PATJ: variants seen among roughly 807,000 people sequenced by gnomAD.
PATJ encodes PATJ crumbs cell polarity complex component, also known as inaD-like protein.
A neutral mutation model predicts 224.9 loss-of-function variants in PATJ; 190 were observed. That is an observed-to-expected ratio of 0.84 (90% CI 0.75 to 0.95). PATJ has a LOEUF of 0.95. Among genes scored for constraint, PATJ ranks in the 40% least tolerant of loss-of-function variants. The pLI, the probability that PATJ is intolerant of heterozygous loss-of-function variation, is 0.00. For synonymous variants in PATJ, 769 were observed against 820.3 expected, an observed-to-expected ratio of 0.94 and a Z score of 1.07; for missense variants, 2,121 against 2,270.3, an observed-to-expected ratio of 0.93 and a Z score of 1.34.
chr1:61,842,543 A>G (rs976063244), intron 17 of PATJ, among the ~76,000 whole-genome samples: 12 of 152,104 alleles, frequency 7.9e-5, no homozygotes, highest in African/African-American at 2.2e-4. Flanking sequence ...AATCTACTGT[A>G]TTACCTTTAG....
At chr1:61,814,438 C>T (rs557878438) in intron 14 of PATJ, among the ~76,000 whole-genome samples, 240 of 151,892 alleles carry the variant, frequency 1.6e-3, no homozygotes, top group African/African-American at 5.3e-3. Context: ...CCACCGTGCC[C>T]GGCCGCATTA....
At chr1:61,961,984 A>AG (rs1331385673) in intron 27 of PATJ, among the ~76,000 whole-genome samples, 1 of 150,644 alleles carries the variant, frequency 6.6e-6, no homozygotes, top group Admixed American at 6.6e-5. Flanking sequence ...AAAAAAAAAA[A>AG]AGAAAGAAAA....
intron 28 of PATJ, among the ~76,000 whole-genome samples, chr1:61,995,790 G>C (rs1645316702): frequency 6.6e-6 from 1 of 152,144 alleles, no homozygotes; most frequent in Admixed American, 6.6e-5. Flanking sequence ...CTAGAGTATT[G>C]GCTTTCCCAA....
chr1:62,010,082 A>AAAC, intron 28 of PATJ, among the ~76,000 whole-genome samples: 1 of 145,826 alleles, frequency 6.9e-6, no homozygotes, highest in Admixed American at 6.7e-5. Flanking sequence ...CCATCTCAAA[A>AAAC]AAAAAAAAAA....
intron 41 of PATJ, among the ~76,000 whole-genome samples, chr1:62,132,550 G>A (rs946808894): frequency 1.3e-5 from 2 of 152,074 alleles, no homozygotes; most frequent in African/African-American, 4.8e-5. Context: ...AATCTGTAAT[G>A]GGGGTAAAGG....
In PATJ at chr1:61,914,569, CTTTT is replaced by C. The variant is rs746639836; in HGVS notation, c.3493-14_3493-11del. ...TTTAAACGTTTTCTTCCCCCCACCC[CTTTT>C]TTTGTCACCATAGGTCATTCCTAAC... On this transcript the variant is annotated splice_polypyrimidine_tract_variant and intron_variant, in intron 25 of 43. Coordinates refer to ENST00000642238, the MANE Select transcript of PATJ (RefSeq NM_001350145.3). The C allele has an allele frequency of 1.6e-5, 21 of 1,318,796 alleles. No individual in the cohort carries two copies. The highest frequency in any genetic ancestry group is 2.1e-5 in the Non-Finnish European group (20 of 940,870). 81.7% of individuals were successfully genotyped at this position (1,318,796 alleles called of 1,614,324 possible). A position where few individuals can be genotyped will look rare whatever the true frequency, so the allele number is the denominator to read the frequency against.
intron 14 of PATJ, 33 bp from the exon 15 acceptor site, chr1:61,822,912 C>A: frequency 6.2e-7 from 1 of 1,612,356 alleles, no homozygotes; most frequent in South Asian, 1.1e-5. Context: ...GTGTCATTGT[C>A]ATGTTTGATC....
At chr1:61,795,401 A>G (rs1280682708) in intron 9 of PATJ, 66 bp from the exon 10 acceptor site, 2 of 849,420 alleles carry the variant, frequency 2.4e-6, no homozygotes, top group Non-Finnish European at 3.8e-6. Flanking sequence ...ACCTCTTGAT[A>G]CAAATTTTGC....
intron 21 of PATJ, among the ~76,000 whole-genome samples, chr1:61,878,703 A>G (rs1469102701): frequency 2.0e-5 from 3 of 151,990 alleles, no homozygotes; most frequent in Non-Finnish European, 2.9e-5. Flanking sequence ...AAAAAGTTTT[A>G]AAAGAGTATC....
intron 30 of PATJ, among the ~76,000 whole-genome samples, chr1:62,042,994 G>A (rs771656670): frequency 9.9e-5 from 15 of 152,136 alleles, no homozygotes; most frequent in Non-Finnish European, 1.5e-4. Flanking sequence ...GAAGGGTATC[G>A]CAGAGAACAA....
chr1:62,091,137 A>T (rs905920993), intron 33 of PATJ, among the ~76,000 whole-genome samples: 2 of 151,422 alleles, frequency 1.3e-5, no homozygotes, highest in Non-Finnish European at 2.9e-5. Flanking sequence ...TATGAATGAG[A>T]TCCCAGGCTG....
intron 22 of PATJ, among the ~76,000 whole-genome samples, chr1:61,891,046 CAA>C (rs559211382): frequency 7.4e-6 from 1 of 134,640 alleles, no homozygotes; most frequent in African/African-American, 2.8e-5. Flanking sequence ...TGTTGATTAA[CAA>C]AAAAAAAAAT....
rs1346261986 is a variant in PATJ at position 62,035,488 on chromosome 1, G to C, written c.3960-2489G>C. Among the ~76,000 whole-genome samples the C allele has an allele frequency of 2.6e-5, 4 of 152,290 alleles. No homozygotes were observed. The East Asian group carries it at 7.7e-4, about 29-fold the overall frequency. ...AGGGTTTTAGAAACTGAGACTCTGA[G>C]AAGTGATTTCCCCAAAGTCACTCTG... On this transcript the variant is annotated intron_variant, in intron 29 of 43. Coordinates refer to ENST00000642238, the MANE Select transcript of PATJ (RefSeq NM_001350145.3).
intron 38 of PATJ, 80 bp downstream of exon 38, chr1:62,121,375 C>T: frequency 2.4e-6 from 2 of 839,886 alleles, no homozygotes; most frequent in Non-Finnish European, 3.8e-6. Context: ...AAAAACCAGT[C>T]TTCTTTAATA....
intron 7 of PATJ, among the ~76,000 whole-genome samples, chr1:61,777,703 CTTTTT>C (rs66470863): frequency 2.1e-5 from 1 of 48,744 alleles, no homozygotes; most frequent in Non-Finnish European, 3.2e-5. Flanking sequence ...TTCTTTCTTT[CTTTTT>C]TTTTTTTTTT....
intron 27 of PATJ, among the ~76,000 whole-genome samples, chr1:61,935,616 G>A (rs1467440905): frequency 6.6e-6 from 1 of 152,008 alleles, no homozygotes; most frequent in Admixed American, 6.6e-5. Flanking sequence ...AACATAATAA[G>A]ACCCTGTCTA....
intron 27 of PATJ, among the ~76,000 whole-genome samples, chr1:61,960,141 T>G (rs112539804): frequency 8.5e-4 from 129 of 152,332 alleles, no homozygotes; most frequent in Non-Finnish European, 1.6e-3. Flanking sequence ...ATTTAGTGGT[T>G]AAGAGCATGG....
In PATJ at chr1:61,856,253, T is replaced by A. The variant is rs922606048; in HGVS notation, c.2322+14T>A. The A allele has an allele frequency of 6.3e-7, 1 of 1,597,322 alleles. No homozygotes were observed. The highest frequency in any genetic ancestry group is 8.6e-7 in the Non-Finnish European group (1 of 1,164,842). On this transcript the variant is annotated intron_variant, in intron 18 of 43. Coordinates refer to ENST00000642238, the MANE Select transcript of PATJ (RefSeq NM_001350145.3). ...AAGCCTTTGGTGGTAAGTGTTGTAT[T>A]TTGTTAATATAGGAAGTGATAATAG...
At chr1:62,025,239 C>T (rs899988250) in intron 29 of PATJ, among the ~76,000 whole-genome samples, 11 of 152,164 alleles carry the variant, frequency 7.2e-5, no homozygotes, top group African/African-American at 9.7e-5. Flanking sequence ...ATCCTTCAAA[C>T]GACTTTAGCA....
Sources: gnomAD v4.1 joint callset for allele counts (sites outside exome capture counted in the v4.1 genomes callset) on GRCh38, gnomAD v4.1.1 for gene constraint, MANE v1.5 for transcripts, NCBI Gene and HGNC (gene_info 2026-07-23, HGNC 2026-07-21) for gene names.